Variants in RBFOX3 observed in about 807,000 individuals in gnomAD.
RBFOX3 encodes RNA binding protein fox-1 homolog 3.
A neutral mutation model predicts 48.7 loss-of-function variants in RBFOX3; 17 were observed. That is an observed-to-expected ratio of 0.35 (90% confidence interval 0.24 to 0.52). RBFOX3 has a LOEUF of 0.52. Among genes scored for constraint, RBFOX3 ranks in the 20% least tolerant of loss-of-function variants. RBFOX3 has a pLI of 0.94. For synonymous variants in RBFOX3, 212 were observed against 209.5 expected (o/e 1.01, Z -0.10); for missense variants, 382 against 497.5 (o/e 0.77, Z 2.21).
At chr17:79,377,725 C>G (rs1212798829) in intron 2 of RBFOX3, among the ~76,000 whole-genome samples, 3 of 152,150 alleles carry the variant, frequency 2.0e-5, no homozygotes, top group Non-Finnish European at 4.4e-5. Context: ...TTATTTGCCC[C>G]TCTGCCCTGC....
At position 79,214,953 on chromosome 17, in the gene RBFOX3, G is replaced by A. The variant is rs142150412; in HGVS notation, c.-34+20813C>T. ...CGTTCTGCCTTGGCATCTTCGCCTG[G>A]TGCCGGTCAATTATGAAGCCACCCG... On this transcript the variant is annotated intron_variant, in intron 4 of 14. Transcript: ENST00000693108. The surrounding 1 kb of genome is among the most constrained non-coding windows in gnomAD (Gnocchi z 4.7). Among the ~76,000 whole-genome samples the A allele has an allele frequency of 6.6e-6, 1 of 151,950 alleles. No individual in the cohort carries two copies. The highest frequency in any genetic ancestry group is 2.1e-4 in the South Asian group (1 of 4,830).
chr17:79,430,391 T>C (rs1222257117), intron 2 of RBFOX3, among the ~76,000 whole-genome samples: 1 of 152,218 alleles, frequency 6.6e-6, no homozygotes, highest in African/African-American at 2.4e-5. Context: ...GGAAAACCCC[T>C]GCCTACAGTT....
chr17:79,156,392 C>T (rs1410813533), intron 4 of RBFOX3, among the ~76,000 whole-genome samples: 1 of 152,162 alleles, frequency 6.6e-6, no homozygotes, highest in Non-Finnish European at 1.5e-5. Flanking sequence ...GGAGGGTCCC[C>T]ATTCCCAGGG....
the RBFOX3 span, among the ~76,000 whole-genome samples, chr17:79,618,803 C>G: frequency 1.3e-5 from 2 of 152,178 alleles, no homozygotes; most frequent in African/African-American, 4.8e-5. Flanking sequence ...GAAGTCTTTC[C>G]TCTCAATATC....
chr17:79,353,675 G>A lies in RBFOX3; in HGVS notation c.-174-45851C>T, dbSNP rs150205031. ...GCACGTGGCCTCTCCAGAAAGCTGC[G>A]TGTCTTCTGGGGCCTGGAGCTCACA... On this transcript the variant is annotated intron_variant, in intron 2 of 14. Transcript: ENST00000693108. Among the ~76,000 whole-genome samples the A allele has an allele frequency of 2.5e-3, 381 of 152,294 alleles. 1 individual carries two copies. The highest frequency in any genetic ancestry group is 8.6e-3 in the African/African-American group (359 of 41,558).
intron 1 of RBFOX3, among the ~76,000 whole-genome samples, chr17:79,503,681 C>T (rs2149759182): frequency 6.6e-6 from 1 of 152,248 alleles, no homozygotes; most frequent in East Asian, 1.9e-4. Context: ...GTCCTGCAGC[C>T]CCACAACCAA....
chr17:79,123,068 G>A (rs1164119668), intron 4 of RBFOX3, among the ~76,000 whole-genome samples: 1 of 152,080 alleles, frequency 6.6e-6, no homozygotes, highest in Non-Finnish European at 1.5e-5. Context: ...AAGACGAGGG[G>A]GGTGTGGGCT....
At chr17:79,656,849 AAAG>A in the RBFOX3 span, among the ~76,000 whole-genome samples, 12 of 115,372 alleles carry the variant, frequency 1.0e-4, no homozygotes, top group Non-Finnish European at 2.1e-4. Context: ...AAAGAAAAGA[AAAG>A]AAGGGAAGGA....
chr17:79,125,952 C>T (rs1225242648), intron 4 of RBFOX3, among the ~76,000 whole-genome samples: 7 of 152,242 alleles, frequency 4.6e-5, no homozygotes, highest in Non-Finnish European at 8.8e-5. Flanking sequence ...GGTGAGTCCA[C>T]CCACCTGCAG....
intron 1 of RBFOX3, among the ~76,000 whole-genome samples, chr17:79,567,545 A>G (rs2092513283): frequency 6.6e-6 from 1 of 151,136 alleles, no homozygotes; most frequent in African/African-American, 2.5e-5. Context: ...AGATTCATCC[A>G]TGTTGCCATA....
chr17:79,096,833 CCT>C lies in RBFOX3; in HGVS notation c.756-2_756-1del. 1 of 749,524 alleles carries C rather than the reference CCT, an allele frequency of 1.3e-6. No individual in the cohort carries two copies. The highest frequency in any genetic ancestry group is 2.3e-6 in the Non-Finnish European group (1 of 429,074). 46.4% of individuals were successfully genotyped at this position (749,524 alleles called of 1,614,324 possible). ...TTTTAACAAGCGTTTGCTCCAGTGC[CCT>C]GTTTTGGTATAACAATAGAGTAACA... On this transcript the variant is annotated splice_acceptor_variant, in intron 11 of 14. Coordinates refer to ENST00000693108, the MANE Select transcript of RBFOX3 (RefSeq NM_001350451.2). LOFTEE classifies it high-confidence loss of function.
intron 2 of RBFOX3, among the ~76,000 whole-genome samples, chr17:79,427,001 GC>G (rs1333598872): frequency 6.6e-6 from 1 of 152,174 alleles, no homozygotes; most frequent in East Asian, 1.9e-4. Context: ...ACCACACCCA[GC>G]CCCGGAGTCC....
chr17:79,162,752 C>T (rs57714488), intron 4 of RBFOX3, among the ~76,000 whole-genome samples: 20,331 of 144,368 alleles, frequency 0.14, 2,104 homozygotes, highest in African/African-American at 0.29. Context: ...GTGGTGTGGG[C>T]GGGCGGGGGT....
intron 2 of RBFOX3, among the ~76,000 whole-genome samples, chr17:79,357,500 G>A (rs775986388): frequency 2.2e-4 from 33 of 152,192 alleles, no homozygotes; most frequent in African/African-American, 5.3e-4. Flanking sequence ...GTGTGGTGGC[G>A]CACGCCTGTA....
intron 1 of RBFOX3, among the ~76,000 whole-genome samples, chr17:79,595,960 G>A (rs955723112): frequency 2.0e-5 from 3 of 152,304 alleles, no homozygotes; most frequent in South Asian, 4.1e-4. Flanking sequence ...GGTACATTAC[G>A]CTCCGAAGGA....
At chr17:79,284,339 A>G (rs1040980313) in intron 3 of RBFOX3, among the ~76,000 whole-genome samples, 1 of 152,080 alleles carries the variant, frequency 6.6e-6, no homozygotes, top group African/African-American at 2.4e-5. Context: ...CCTAGGTTAC[A>G]ATATTTAATA....
At chr17:79,146,952 A>C (rs1297143976) in intron 4 of RBFOX3, among the ~76,000 whole-genome samples, 1 of 152,164 alleles carries the variant, frequency 6.6e-6, no homozygotes, top group Non-Finnish European at 1.5e-5. Flanking sequence ...ACATGATCAA[A>C]ACGGGCCCCC....
At chr17:79,483,350 C>T (rs1301249534) in intron 1 of RBFOX3, among the ~76,000 whole-genome samples, 14 of 151,630 alleles carry the variant, frequency 9.2e-5, no homozygotes, top group Non-Finnish European at 1.8e-4. Flanking sequence ...GCCATCCCTC[C>T]ACACAGGCGC....
the RBFOX3 span, among the ~76,000 whole-genome samples, chr17:79,637,053 A>AG: frequency 6.6e-6 from 1 of 152,220 alleles, no homozygotes; most frequent in Non-Finnish European, 1.5e-5. Flanking sequence ...CTGTTATAAG[A>AG]GAAAAAGGTT....
Sources: allele counts gnomAD v4.1 joint callset (sites outside exome capture counted in the v4.1 genomes callset), GRCh38; gene constraint gnomAD v4.1.1; non-coding constraint Gnocchi (gnomAD v3.1); transcripts MANE v1.5; gene names NCBI Gene and HGNC (gene_info 2026-07-23, HGNC 2026-07-21).